Variants in TAX1BP1 observed in about 807,000 individuals in gnomAD.
The protein encoded by TAX1BP1 is tax1-binding protein 1.
Under a neutral mutation model 97.7 loss-of-function variants are expected in TAX1BP1, and 62 were observed. The ratio of observed to expected loss-of-function variants is 0.63; its 90% CI spans 0.52 to 0.78. The LOEUF is 0.78. Among genes scored for constraint, TAX1BP1 ranks in the 30% least tolerant of loss-of-function variants. The pLI, the probability that TAX1BP1 is intolerant of heterozygous loss-of-function variation, is 0.00. For missense variants in TAX1BP1, 867 were observed against 916.1 expected (o/e 0.95, Z 0.69); for synonymous variants, 340 against 304.2 (o/e 1.12, Z -1.23).
chr7:27,809,534 T>C (rs1348093532), intron 13 of TAX1BP1, among the ~76,000 whole-genome samples: 3 of 152,236 alleles, frequency 2.0e-5, no homozygotes, highest in Admixed American at 6.5e-5. Context: ...CCAGGTATTA[T>C]GTTTTGGAGG....
At chr7:27,766,494 T>G (rs1788649510) in intron 4 of TAX1BP1, among the ~76,000 whole-genome samples, 1 of 142,596 alleles carries the variant, frequency 7.0e-6, no homozygotes, top group Admixed American at 6.9e-5. Flanking sequence ...AAATAATAAA[T>G]TTAGAGTGTC....
Position 27,794,446 on chromosome 7 carries a change from G to GCAGAGGCAGATTTTGACATA in TAX1BP1, c.1534_1534+1insCAGAGGCAGATTTTGACATA (p.Val519GlnfsTer7), listed in dbSNP as rs1789843927. On this transcript the variant is annotated frameshift_variant and splice_region_variant. Transcript: ENST00000396319. LOFTEE classifies it high-confidence loss of function. Reference sequence around the variant, plus strand: ...AGATGTAAAGCCATCACCTTCTGCAGGTAAAAATCTTTTAGACTTTTTGTG... The same window carrying GCAGAGGCAGATTTTGACATA: ...AGATGTAAAGCCATCACCTTCTGCAGCAGAGGCAGATTTTGACATAGTAAAAATCTTTTAGACTTTTTGTG... The GCAGAGGCAGATTTTGACATA allele has an allele frequency of 6.3e-7, 1 of 1,599,358 alleles. No homozygotes were observed.
rs767150987 is a variant in TAX1BP1, at chr7:27,748,576, A to G, written c.52A>G (p.Ile18Val). ...PLQTSNFAHV[I>V]FQNVAKSYLP... The stretch of plus-strand genomic sequence containing the variant: ...GCAGACTTCCAACTTTGCCCATGTC[A>G]TCTTTCAAAATGTGGCCAAGAGTTA... The change falls in exon 2 of 17, where the codon ATC becomes GTC. Residue 18 changes from isoleucine to valine, a missense_variant. Around this residue, in one of 3 missense-constraint regions of TAX1BP1, gnomAD observed 822 missense variants for 851.4 expected, o/e 0.97. Transcript: ENST00000396319. 4.4e-6 allele frequency: 7 copies of G among 1,605,690 alleles called. No individual in the cohort carries two copies. In the East Asian group the frequency reaches 1.3e-4, roughly 31 times the overall value.
Position 27,785,153 on chromosome 7 carries a change from C to A in TAX1BP1, c.613-10C>A. On this transcript the variant is annotated splice_polypyrimidine_tract_variant and intron_variant, in intron 5 of 16. Coordinates refer to ENST00000396319, the MANE Select transcript of TAX1BP1 (RefSeq NM_006024.7). ...GTGTTTTCTCAAAATACCTTGTTGT[C>A]ACTTCTCAGGGTCTTACTGAAGTAA... 1 of 1,588,134 alleles carries A rather than the reference C, an allele frequency of 6.3e-7. No individual in the cohort carries two copies. Among genetic ancestry groups the A allele is most frequent in the South Asian group, 1.2e-5 (1 of 85,328 alleles).
chr7:27,782,039 A>AT (rs1193920632), intron 5 of TAX1BP1, among the ~76,000 whole-genome samples: 1 of 152,012 alleles, frequency 6.6e-6, no homozygotes, highest in Admixed American at 6.5e-5. Flanking sequence ...TGTATAAAAT[A>AT]TTTTTTTCTC....
In TAX1BP1 at chr7:27,796,752, A is replaced by G. The variant is rs79445963; in HGVS notation, c.1638+533A>G. On this transcript the variant is annotated intron_variant, in intron 12 of 16. Coordinates refer to ENST00000396319, the MANE Select transcript of TAX1BP1 (RefSeq NM_006024.7). ...GTGGAGCATGCCTGTAGTCCCAGCTACAGTCTCCTGAGGCAGGAGAATCAC... is the reference window on the plus strand; with the variant it reads ...GTGGAGCATGCCTGTAGTCCCAGCTGCAGTCTCCTGAGGCAGGAGAATCAC... Among the ~76,000 whole-genome samples, 754 of 152,048 alleles carry G rather than the reference A, an allele frequency of 5.0e-3. 1 individual carries two copies. Among genetic ancestry groups the G allele is most frequent in the Non-Finnish European group, 7.6e-3 (515 of 67,952 alleles).
intron 5 of TAX1BP1, among the ~76,000 whole-genome samples, chr7:27,782,147 T>C (rs1418390174): frequency 6.6e-6 from 1 of 152,222 alleles, no homozygotes; most frequent in Non-Finnish European, 1.5e-5. Flanking sequence ...AACACAAACA[T>C]GTACAGCTGT....
At chr7:27,805,288 A>C (rs1790294080) in intron 13 of TAX1BP1, among the ~76,000 whole-genome samples, 1 of 151,738 alleles carries the variant, frequency 6.6e-6, no homozygotes, top group Non-Finnish European at 1.5e-5. Flanking sequence ...CTTTTTTGTG[A>C]GTTCTTTGGC....
intron 5 of TAX1BP1, among the ~76,000 whole-genome samples, chr7:27,781,331 G>A (rs1789246742): frequency 6.6e-6 from 1 of 152,134 alleles, no homozygotes; most frequent in South Asian, 2.1e-4. Context: ...AAACATCATA[G>A]AGTGTACTTA....
chr7:27,788,384 C>T (rs1789571143), intron 8 of TAX1BP1, among the ~76,000 whole-genome samples: 1 of 152,006 alleles, frequency 6.6e-6, no homozygotes, highest in African/African-American at 2.4e-5. Flanking sequence ...GATTATTAAG[C>T]AATCTGTATA....
In TAX1BP1 at chr7:27,748,530, A is replaced by C. The variant is rs201351489; in HGVS notation, c.6A>C (p.Thr2=). ...TTACTTGTTTCAGATTCACAATGAC[A>C]TCCTTTCAAGAAGTCCCATTGCAGA... The part of the protein sequence containing the change: M[T]SFQEVPLQTS... The change falls in exon 2 of 17, where the codon ACA becomes ACC. Residue 2 remains threonine, a synonymous_variant. Transcript: ENST00000396319. The C allele has an allele frequency of 1.9e-6, 3 of 1,587,398 alleles. No individual in the cohort carries two copies. Among genetic ancestry groups the C allele is most frequent in the Non-Finnish European group, 2.6e-6 (3 of 1,164,792 alleles).
intron 1 of TAX1BP1, among the ~76,000 whole-genome samples, chr7:27,740,806 C>A (rs1562689991): frequency 6.6e-6 from 1 of 152,150 alleles, no homozygotes; most frequent in Non-Finnish European, 1.5e-5. Flanking sequence ...GCGGAGACTC[C>A]CTGCGCCGCC....
rs113954210 is a variant in TAX1BP1 at position 27,754,211 on chromosome 7, C to T, written c.163-3820C>T. Among the ~76,000 whole-genome samples, 16 of 152,102 alleles carry T rather than the reference C, an allele frequency of 1.1e-4. 1 individual carries two copies. The highest frequency in any genetic ancestry group is 7.7e-4 in the East Asian group (4 of 5,178). ...GGTGGATCCAAACAGTGATTTTATG[C>T]TTGAATATCCTGTTTCAAGCTTTTG... On this transcript the variant is annotated intron_variant, in intron 2 of 16. Coordinates refer to ENST00000396319, the MANE Select transcript of TAX1BP1 (RefSeq NM_006024.7).
intron 11 of TAX1BP1, among the ~76,000 whole-genome samples, chr7:27,794,871 A>G (rs2128318745): frequency 6.6e-6 from 1 of 152,160 alleles, no homozygotes; most frequent in South Asian, 2.1e-4. Flanking sequence ...ATATTTTTCT[A>G]TTTATTCATT....
chr7:27,777,092 A>G (rs1789062903), intron 5 of TAX1BP1, among the ~76,000 whole-genome samples: 1 of 152,080 alleles, frequency 6.6e-6, no homozygotes, highest in South Asian at 2.1e-4. Flanking sequence ...ATGTCCGTTC[A>G]TTAACTTGAT....
chr7:27,792,182 A>C lies in TAX1BP1; in HGVS notation c.1215A>C (p.Leu405Phe). 6.2e-7 allele frequency: 1 copy of C among 1,613,776 alleles called. No individual in the cohort carries two copies. Among genetic ancestry groups the C allele is most frequent in the Non-Finnish European group, 8.5e-7 (1 of 1,179,938 alleles). The change falls in exon 9 of 17, where the codon TTA becomes TTC. Residue 405 changes from leucine (L) to phenylalanine (F), a missense_variant. Transcript: ENST00000396319. ...RLENEKVKKQLADAVAELKLN... is the reference protein window; with the variant it reads ...RLENEKVKKQFADAVAELKLN... Reference sequence around the variant, plus strand: ...AAAACGAGAAAGTGAAAAAGCAGTTAGCTGATGCAGTGGCAGAACTTAAAC... The same window carrying C: ...AAAACGAGAAAGTGAAAAAGCAGTTCGCTGATGCAGTGGCAGAACTTAAAC...
intron 13 of TAX1BP1, among the ~76,000 whole-genome samples, chr7:27,801,095 C>G (rs1261496903): frequency 1.6e-4 from 21 of 130,542 alleles, no homozygotes; most frequent in Non-Finnish European, 1.2e-4. Flanking sequence ...CAGTGTGAGA[C>G]TCCGTCTCAA....
At chr7:27,795,753 C>T (rs1333192919) in intron 11 of TAX1BP1, among the ~76,000 whole-genome samples, 4 of 152,094 alleles carry the variant, frequency 2.6e-5, no homozygotes, top group Admixed American at 2.0e-4. Context: ...AGGATTTCAC[C>T]GTGTTAGCCA....
At chr7:27,789,003 C>T (rs963787015) in intron 8 of TAX1BP1, among the ~76,000 whole-genome samples, 3 of 151,946 alleles carry the variant, frequency 2.0e-5, no homozygotes, top group Non-Finnish European at 4.4e-5. Context: ...TTATATCTCT[C>T]TTCTCGCAAT....
Sources: allele counts gnomAD v4.1 joint callset (sites outside exome capture counted in the v4.1 genomes callset), GRCh38; gene constraint gnomAD v4.1.1; regional missense constraint gnomAD v4.1.1; transcripts MANE v1.5; gene names NCBI Gene and HGNC (gene_info 2026-07-23, HGNC 2026-07-21).